The following CELSR1 variants were observed in gnomAD, a reference collection of about 807,000 sequenced individuals.
CELSR1 encodes the protein cadherin EGF LAG seven-pass G-type receptor 1.
A neutral mutation model predicts 249.1 loss-of-function variants in CELSR1; 110 were observed. The observed-to-expected ratio is 0.44, with a 90% CI of 0.38 to 0.52. CELSR1 has a LOEUF of 0.52. Among genes scored for constraint, CELSR1 ranks in the 20% least tolerant of loss-of-function variants. The pLI is 0.00. For missense variants in CELSR1, 4,109 were observed against 4,296.4 expected, an observed-to-expected ratio of 0.96 and a Z score of 1.22; for synonymous variants, 2,113 against 1,900.0, an observed-to-expected ratio of 1.11 and a Z score of -2.92.
At chr22:46,455,594 C>A (rs1196575901) in intron 2 of CELSR1, among the ~76,000 whole-genome samples, 1 of 152,198 alleles carries the variant, frequency 6.6e-6, no homozygotes, top group Non-Finnish European at 1.5e-5. Context: ...AACCACTGCA[C>A]TTGGCTTGAG....
At chr22:46,463,610 T>C in intron 2 of CELSR1, 97 bp downstream of exon 2, 1 of 1,328,392 alleles carries the variant, frequency 7.5e-7, no homozygotes, top group Non-Finnish European at 9.9e-7. Flanking sequence ...TCCAGCTGTT[T>C]TCCCCGGAGG....
At chr22:46,424,426 T>C (rs2079514845) in intron 5 of CELSR1, among the ~76,000 whole-genome samples, 1 of 152,052 alleles carries the variant, frequency 6.6e-6, no homozygotes, top group African/African-American at 2.4e-5. Flanking sequence ...ATTTTAGAGG[T>C]ACATGCAATT....
rs1038166532 is a variant in CELSR1 at position 46,536,628 on chromosome 22, C to T, written c.543G>A (p.Leu181=). 13 of 1,170,746 alleles carry T rather than the reference C, an allele frequency of 1.1e-5. No individual in the cohort carries two copies. In the African/African-American group the frequency reaches 1.3e-4, roughly 12 times the overall value. The allele number at this position is 1,170,746 out of a possible 1,614,324, so 72.5% of individuals were successfully genotyped here. A position where few individuals can be genotyped will look rare whatever the true frequency, so the allele number is the denominator to read the frequency against. The change falls in exon 1 of 35, where the codon CTG becomes CTA. Residue 181 remains leucine, a synonymous_variant. Transcript: ENST00000674500. ...CGCGCCGCAGGGCGCACAGCAGACG[C>T]AGGCGGACCGAGCCGCCCGGCGGCA... ...ICLPPGGSVR[L]RLLCALRRAA...
rs533034082 is a variant in CELSR1, at chr22:46,439,472, G to A, written c.4184-61C>T. 5.6e-5 allele frequency: 81 copies of A among 1,439,238 alleles called. 1 individual carries two copies. The highest frequency in any genetic ancestry group is 1.0e-4 in the South Asian group (8 of 79,512). 89.2% of individuals were successfully genotyped at this position (1,439,238 alleles called of 1,614,324 possible). A position where few individuals can be genotyped will look rare whatever the true frequency, so the allele number is the denominator to read the frequency against. ...ACCGACCAGCCAGGGAAAAGCCAAC[G>A]AGCCTGTCGCAGACCCTGGACACAC... On this transcript the variant is annotated intron_variant, in intron 2 of 34. Transcript: ENST00000674500.
Position 46,395,335 on chromosome 22 carries a change from TG to T in CELSR1, c.5844-1074del, listed in dbSNP as rs67511761. ...AGACCAGGTCCTGCCACTTTAGTGC[TG>T]GGCCCCCACGGCCTCCACACAGCCG... is the stretch of plus-strand genomic sequence containing the variant. On this transcript the variant is annotated intron_variant, in intron 13 of 34. Coordinates refer to ENST00000674500, the MANE Select transcript of CELSR1 (RefSeq NM_001378328.1). This position sits in a 1 kb window ranked among gnomAD's most constrained non-coding sequence, Gnocchi z 5.5. 0.06 allele frequency among the ~76,000 whole-genome samples: 9,144 copies of T among 152,184 alleles called. 379 individuals carry two copies. Among genetic ancestry groups the T allele is most frequent in the Middle Eastern group, 0.092 (27 of 294 alleles).
intron 1 of CELSR1, among the ~76,000 whole-genome samples, chr22:46,470,513 A>G (rs2080145176): frequency 6.6e-6 from 1 of 152,148 alleles, no homozygotes; most frequent in Admixed American, 6.6e-5. Flanking sequence ...ATGACATAAC[A>G]GACAGAAAAT....
intron 1 of CELSR1, among the ~76,000 whole-genome samples, chr22:46,511,498 C>T (rs2080573321): frequency 6.6e-6 from 1 of 152,266 alleles, no homozygotes; most frequent in South Asian, 2.1e-4. Context: ...ACGATAGTGA[C>T]TGTGCTGAGC....
At chr22:46,493,059 CAT>C (rs1342273308) in intron 1 of CELSR1, among the ~76,000 whole-genome samples, 5 of 151,970 alleles carry the variant, frequency 3.3e-5, no homozygotes, top group Non-Finnish European at 7.4e-5. Flanking sequence ...GCCTGGGAAA[CAT>C]AGCCAGATCC....
rs1050137832 is a variant in CELSR1, at chr22:46,380,517, G to C, written c.7256+271C>G. Among the ~76,000 whole-genome samples, 2 of 152,238 alleles carry C rather than the reference G, an allele frequency of 1.3e-5. No homozygotes were observed. Among genetic ancestry groups the C allele is most frequent in the African/African-American group, 4.8e-5 (2 of 41,464 alleles). On this transcript the variant is annotated intron_variant, in intron 22 of 34. Transcript: ENST00000674500. The surrounding 1 kb of genome is among the most constrained non-coding windows in gnomAD (Gnocchi z 5.1). The stretch of plus-strand genomic sequence containing the variant: ...CGCAGGTGAGGGGTCCCCTTCCTGG[G>C]TGTCAGCCTTGAGGGATCTCTCTGT...
intron 1 of CELSR1, among the ~76,000 whole-genome samples, chr22:46,502,845 G>T (rs929363750): frequency 1.3e-5 from 2 of 152,142 alleles, no homozygotes; most frequent in African/African-American, 4.8e-5. Context: ...CGGCAGCAAG[G>T]CGTTTTTAAA....
chr22:46,535,986 GC>G lies in CELSR1; in HGVS notation c.1184del (p.Gly395AlafsTer15). 6.2e-7 allele frequency: 1 copy of G among 1,610,572 alleles called. No homozygotes were observed. ...NANLRYRVLGGAWDVFQLNES... is the reference protein window; with the variant it reads ...NANLRYRVLGXAWDVFQLNES... The stretch of plus-strand genomic sequence containing the variant: ...CGTTGAGCTGGAAGACGTCCCACGC[GC>G]CCCCCAACACGCGGTAACGCAAGTT... On this transcript the variant is annotated frameshift_variant, in exon 1 of 35. Coordinates refer to ENST00000674500, the MANE Select transcript of CELSR1 (RefSeq NM_001378328.1). LOFTEE classifies it high-confidence loss of function.
chr22:46,484,952 G>A lies in CELSR1; in HGVS notation c.3545-20607C>T, dbSNP rs1187238729. ...CTGAGAACAGAAAAGCTGAGATTTC[G>A]TTTTTCTAGTTAAATATTTGCTGAG... On this transcript the variant is annotated intron_variant, in intron 1 of 34. Coordinates refer to ENST00000674500, the MANE Select transcript of CELSR1 (RefSeq NM_001378328.1). The surrounding 1 kb of genome is among the most constrained non-coding windows in gnomAD (Gnocchi z 4.5). 1.3e-5 allele frequency among the ~76,000 whole-genome samples: 2 copies of A among 151,660 alleles called. No homozygotes were observed. Among genetic ancestry groups the A allele is most frequent in the African/African-American group, 2.4e-5 (1 of 41,286 alleles).
At chr22:46,379,540 G>A (rs1056688895) in intron 22 of CELSR1, among the ~76,000 whole-genome samples, 5 of 152,250 alleles carry the variant, frequency 3.3e-5, no homozygotes, top group African/African-American at 7.2e-5. Context: ...CCTGACGTCC[G>A]TCGTGGTGGA....
rs565656422 is a variant in CELSR1 at position 46,534,839 on chromosome 22, T to G, written c.2332A>C (p.Asn778His). Residue 778 changes from asparagine (N) to histidine (H), a missense_variant, in exon 1 of 35, where the codon AAC (asparagine) becomes CAC (histidine). Physicochemically the swap from Asn to His is moderately conservative, Grantham distance 68. Around this residue, in one of 7 missense-constraint regions of CELSR1, gnomAD observed 886 missense variants for 896.5 expected, o/e 0.99. Coordinates refer to ENST00000674500, the MANE Select transcript of CELSR1 (RefSeq NM_001378328.1). This position sits in a 1 kb window ranked among gnomAD's most constrained non-coding sequence, Gnocchi z 9.7. ...TRSHTAHVLINVTDANTHRPV... is the reference protein window; with the variant it reads ...TRSHTAHVLIHVTDANTHRPV... The stretch of plus-strand genomic sequence containing the variant: ...CTGTGGGTGTTGGCATCAGTGACGT[T>G]GATTAGGACATGCGCAGTGTGCGAC... 12 of 1,612,948 alleles carry G rather than the reference T, an allele frequency of 7.4e-6. No homozygotes were observed. The East Asian group carries it at 2.5e-4, about 33-fold the overall frequency.
rs1447088914 is a variant in CELSR1, at chr22:46,409,570, AGCAGGG to A, written c.5059+179_5059+184del. Among the ~76,000 whole-genome samples, 2 of 152,188 alleles carry A rather than the reference AGCAGGG, an allele frequency of 1.3e-5. No homozygotes were observed. The highest frequency in any genetic ancestry group is 2.9e-5 in the Non-Finnish European group (2 of 67,996). On this transcript the variant is annotated intron_variant, in intron 8 of 34. Transcript: ENST00000674500. This position sits in a 1 kb window ranked among gnomAD's most constrained non-coding sequence, Gnocchi z 9.8. ...AGGGACTGGGGACCCCAGAAGCAGG[AGCAGGG>A]GCTCTGCGGAGGACAGTCTCTTGGA...
At position 46,367,854 on chromosome 22, in the gene CELSR1, A is replaced by T; in HGVS notation, c.7954T>A (p.Ser2652Thr). The change falls in exon 28 of 35, where the codon TCC (serine) becomes ACC (threonine). Residue 2652 changes from serine (S) to threonine (T), a missense_variant and splice_region_variant. This residue lies in a region of CELSR1 where 1,805 missense variants were observed against 1,831.6 expected (regional missense o/e 0.99). Coordinates refer to ENST00000674500, the MANE Select transcript of CELSR1 (RefSeq NM_001378328.1). ...HHYYGKKGIVSLLRTAFLLLL... is the reference protein window; with the variant it reads ...HHYYGKKGIVTLLRTAFLLLL... ...AGGAGGAATGCGGTCCTCAGCAGGG[A>T]GCTGCGGGAGGGCAGGATCAGGCCT... is the stretch of plus-strand genomic sequence containing the variant. 1 of 1,609,246 alleles carries T rather than the reference A, an allele frequency of 6.2e-7. No homozygotes were observed. The highest frequency in any genetic ancestry group is 8.5e-7 in the Non-Finnish European group (1 of 1,179,264).
Position 46,391,332 on chromosome 22 carries a change from C to T in CELSR1, c.6149-45G>A, listed in dbSNP as rs768703266. ...AGTCTGCTCAGCGGGGCACGCCACACCCACGACCACAAACAGGCACCACTG... is the reference window on the plus strand; with the variant it reads ...AGTCTGCTCAGCGGGGCACGCCACATCCACGACCACAAACAGGCACCACTG... On this transcript the variant is annotated intron_variant, in intron 15 of 34. Coordinates refer to ENST00000674500, the MANE Select transcript of CELSR1 (RefSeq NM_001378328.1). This position sits in a 1 kb window ranked among gnomAD's most constrained non-coding sequence, Gnocchi z 4.3. 6 of 1,545,400 alleles carry T rather than the reference C, an allele frequency of 3.9e-6. No homozygotes were observed. The highest frequency in any genetic ancestry group is 1.4e-5 in the African/African-American group (1 of 73,490).
chr22:46,388,714 G>C (rs1319609793), intron 18 of CELSR1, among the ~76,000 whole-genome samples: 1 of 152,250 alleles, frequency 6.6e-6, no homozygotes, highest in Non-Finnish European at 1.5e-5. Context: ...CCAAATATCA[G>C]GCTGCGTGAG....
At chr22:46,465,864 C>A (rs776565578) in intron 1 of CELSR1, among the ~76,000 whole-genome samples, 3 of 152,242 alleles carry the variant, frequency 2.0e-5, no homozygotes, top group Non-Finnish European at 4.4e-5. Context: ...GAAACGCAGG[C>A]CCGGCTGGGG....
Sources: gnomAD v4.1 joint callset for allele counts (sites outside exome capture counted in the v4.1 genomes callset) on GRCh38, gnomAD v4.1.1 for gene constraint, gnomAD v4.1.1 regional missense constraint, Gnocchi (gnomAD v3.1) non-coding constraint, MANE v1.5 for transcripts, NCBI Gene and HGNC (gene_info 2026-07-23, HGNC 2026-07-21) for gene names.